CDIN1: variants seen among roughly 807,000 people sequenced by gnomAD.
CDIN1 encodes CDAN1 interacting nuclease 1, also known as CDAN1-interacting nuclease 1.
CDIN1 carries 33 observed loss-of-function variants against 45.3 expected under a neutral mutation model. That is an observed-to-expected ratio of 0.73 (90% CI 0.55 to 0.97). The LOEUF (loss-of-function observed/expected upper bound fraction) is 0.97, where lower values mean the gene tolerates loss of function less well. Among genes scored for constraint, CDIN1 ranks in the 50% least tolerant of loss-of-function variants. CDIN1 has a pLI of 0.00. For missense variants in CDIN1, 303 were observed against 339.4 expected, an observed-to-expected ratio of 0.89 and a Z score of 0.84; for synonymous variants, 118 against 124.4, an observed-to-expected ratio of 0.95 and a Z score of 0.34.
intron 3 of CDIN1, among the ~76,000 whole-genome samples, chr15:36,653,385 A>G (rs1363017390): frequency 2.0e-5 from 3 of 152,170 alleles, no homozygotes; most frequent in African/African-American, 7.2e-5. Context: ...AAATGGTTAT[A>G]ATTTAATCTT....
intron 10 of CDIN1, among the ~76,000 whole-genome samples, chr15:36,714,910 AG>A (rs2043170780): frequency 6.6e-6 from 1 of 152,188 alleles, no homozygotes; most frequent in African/African-American, 2.4e-5. Flanking sequence ...AAACTGGTTG[AG>A]GGAACAGGTG....
At chr15:36,779,740 T>C (rs962912317) in intron 10 of CDIN1, among the ~76,000 whole-genome samples, 1 of 152,234 alleles carries the variant, frequency 6.6e-6, no homozygotes, top group Non-Finnish European at 1.5e-5. Flanking sequence ...CAGACTTCTC[T>C]GGGCCTCAGA....
chr15:36,767,353 G>T (rs2053955079), intron 10 of CDIN1, among the ~76,000 whole-genome samples: 1 of 152,138 alleles, frequency 6.6e-6, no homozygotes, highest in Middle Eastern at 3.2e-3. Flanking sequence ...GCATAACAAG[G>T]ACCAGGAGTT....
intron 10 of CDIN1, among the ~76,000 whole-genome samples, chr15:36,740,498 G>A (rs979852005): frequency 6.6e-6 from 1 of 152,134 alleles, no homozygotes; most frequent in Non-Finnish European, 1.5e-5. Context: ...GCACTTCTAC[G>A]TGAAACAGCC....
Position 36,701,113 on chromosome 15 carries a change from GATA to G in CDIN1, c.544+3724_544+3726del, listed in dbSNP as rs1197129096. The stretch of plus-strand genomic sequence containing the variant: ...AGGTAGGTAGGTAGATAGATAGATA[GATA>G]GGTAGGTAGATAGATAGATAGATAG... On this transcript the variant is annotated intron_variant, in intron 8 of 10. Transcript: ENST00000566621. 3.5e-3 allele frequency among the ~76,000 whole-genome samples: 296 copies of G among 83,708 alleles called. 3 individuals are homozygous for G. The highest frequency in any genetic ancestry group is 0.014 in the African/African-American group (272 of 20,040). The allele number at this position is 83,708 out of a possible 152,430, so 54.9% of individuals were successfully genotyped here.
chr15:36,757,574 C>T (rs541781921), intron 10 of CDIN1, among the ~76,000 whole-genome samples: 11 of 152,264 alleles, frequency 7.2e-5, no homozygotes, highest in Admixed American at 5.2e-4. Flanking sequence ...TTCTGAGGAG[C>T]GTGATGAAAC....
At chr15:36,615,846 G>T (rs953425366) in intron 1 of CDIN1, among the ~76,000 whole-genome samples, 12 of 152,078 alleles carry the variant, frequency 7.9e-5, no homozygotes, top group African/African-American at 2.7e-4. Flanking sequence ...TCTTCTTGGG[G>T]CATTATATAA....
chr15:36,682,767 C>CAAAA (rs10706117), intron 5 of CDIN1, among the ~76,000 whole-genome samples: 2 of 61,392 alleles, frequency 3.3e-5, no homozygotes, highest in Admixed American at 1.7e-4. Flanking sequence ...AAGACCCTGC[C>CAAAA]AAAAAAAAAA....
At chr15:36,645,072 A>G in intron 2 of CDIN1, 151 bp from the exon 3 acceptor site, 1 of 647,760 alleles carries the variant, frequency 1.5e-6, no homozygotes. Flanking sequence ...GTAGAAGGAA[A>G]AGAAGTCCTG....
At chr15:36,621,872 G>GTTTTTT (rs553981750) in intron 1 of CDIN1, among the ~76,000 whole-genome samples, 3 of 142,386 alleles carry the variant, frequency 2.1e-5, no homozygotes, top group Admixed American at 7.0e-5. Flanking sequence ...AACAAGTTCA[G>GTTTTTT]TTTTTTTTTT....
At chr15:36,712,260 C>CTTTTTTTTTTTTT (rs780494427) in intron 10 of CDIN1, among the ~76,000 whole-genome samples, 1 of 77,372 alleles carries the variant, frequency 1.3e-5, no homozygotes, top group Non-Finnish European at 2.3e-5. Context: ...TAGACTAATG[C>CTTTTTTTTTTTTT]TTTTTTTTTT....
At chr15:36,734,902 C>G (rs965850607) in intron 10 of CDIN1, among the ~76,000 whole-genome samples, 1 of 152,106 alleles carries the variant, frequency 6.6e-6, no homozygotes, top group Non-Finnish European at 1.5e-5. Context: ...TCTCCTGTGT[C>G]TAGACTTCCA....
At chr15:36,727,318 G>C (rs1193344553) in intron 10 of CDIN1, among the ~76,000 whole-genome samples, 1 of 141,828 alleles carries the variant, frequency 7.1e-6, no homozygotes, top group African/African-American at 2.6e-5. Flanking sequence ...TTATCTGTCA[G>C]AAAAGCTCAT....
chr15:36,585,045 C>T (rs571702652), intron 1 of CDIN1, among the ~76,000 whole-genome samples: 1 of 152,128 alleles, frequency 6.6e-6, no homozygotes, highest in East Asian at 1.9e-4. Flanking sequence ...TCTTAGAAGC[C>T]CCTGGTCCAA....
chr15:36,718,531 G>C (rs1174356426), intron 10 of CDIN1, among the ~76,000 whole-genome samples: 2 of 151,994 alleles, frequency 1.3e-5, no homozygotes, highest in Non-Finnish European at 2.9e-5. Flanking sequence ...ATTTTTCTCA[G>C]AAATTGTTCT....
At chr15:36,635,169 C>G in intron 1 of CDIN1, among the ~76,000 whole-genome samples, 1 of 152,114 alleles carries the variant, frequency 6.6e-6, no homozygotes, top group South Asian at 2.1e-4. Flanking sequence ...AGATCTCCCC[C>G]TGACAGTTTC....
intron 10 of CDIN1, among the ~76,000 whole-genome samples, chr15:36,717,996 T>A (rs147660370): frequency 4.9e-4 from 73 of 149,170 alleles, no homozygotes; most frequent in African/African-American, 1.8e-3. Context: ...TCTCTTGAAA[T>A]CTTTGCTTCA....
intron 7 of CDIN1, among the ~76,000 whole-genome samples, chr15:36,697,035 G>A (rs973356807): frequency 1.3e-5 from 2 of 151,706 alleles, no homozygotes; most frequent in Admixed American, 6.6e-5. Context: ...TGAGGTGGGA[G>A]GATTGCTTGA....
At chr15:36,703,621 G>T (rs957824052) in intron 8 of CDIN1, among the ~76,000 whole-genome samples, 1 of 151,812 alleles carries the variant, frequency 6.6e-6, no homozygotes, top group Non-Finnish European at 1.5e-5. Flanking sequence ...CTAGGGTTTT[G>T]CTCACCATAA....
Sources: gnomAD v4.1 joint callset for allele counts (sites outside exome capture counted in the v4.1 genomes callset) on GRCh38, gnomAD v4.1.1 for gene constraint, MANE v1.5 for transcripts, NCBI Gene and HGNC (gene_info 2026-07-23, HGNC 2026-07-21) for gene names.